Variants in WDPCP observed in about 807,000 individuals in gnomAD.
WDPCP encodes the protein WD repeat-containing and planar cell polarity effector protein fritz homolog.
In WDPCP, 71 loss-of-function variants were observed where a neutral mutation model predicts 93.1. The ratio of observed to expected loss-of-function variants is 0.76; its 90% CI spans 0.63 to 0.93. WDPCP has a LOEUF of 0.93. Ranked by LOEUF, WDPCP falls within the 40% of genes least tolerant of loss-of-function variation. The pLI, the probability that WDPCP is intolerant of heterozygous loss-of-function variation, is 0.00. For synonymous variants in WDPCP, 315 were observed against 315.0 expected, an observed-to-expected ratio of 1.00 and a Z score of 0.00; for missense variants, 844 against 887.4, an observed-to-expected ratio of 0.95 and a Z score of 0.62.
intron 6 of WDPCP, among the ~76,000 whole-genome samples, chr2:63,454,756 C>T (rs948654593): frequency 6.6e-6 from 1 of 152,022 alleles, no homozygotes; most frequent in African/African-American, 2.4e-5. Context: ...CTCCACAGCA[C>T]ATTATAAGCA....
At chr2:63,131,260 C>G (rs1670276490) in intron 17 of WDPCP, among the ~76,000 whole-genome samples, 1 of 151,918 alleles carries the variant, frequency 6.6e-6, no homozygotes, top group African/African-American at 2.4e-5. Flanking sequence ...TTTTTGGTTC[C>G]TCATTTCTTT....
intron 12 of WDPCP, among the ~76,000 whole-genome samples, chr2:63,338,652 A>G (rs373633571): frequency 3.5e-5 from 5 of 141,262 alleles, no homozygotes; most frequent in African/African-American, 1.3e-4. Context: ...TCCCCATTAT[A>G]TGTACTTGGT....
chr2:63,478,547 C>T (rs1287539568), intron 6 of WDPCP, among the ~76,000 whole-genome samples: 1 of 152,058 alleles, frequency 6.6e-6, no homozygotes, highest in African/African-American at 2.4e-5. Context: ...CATGCAAATA[C>T]ATGGAAATTA....
Position 63,484,921 on chromosome 2 carries a change from A to T in WDPCP, c.320T>A (p.Leu107Ter). The part of the protein sequence containing the change: ...PEKLRDSLKE[L>*]EELMQNSRCV... ...TTGAAACTTTTTGAAAGATACCTCC[A>T]ACTCTTTGAGCGAGTCTCGGAGTTT... The change falls in exon 5 of 18, where the codon TTG becomes TAG. Residue 107 changes from leucine (L) to a stop codon, truncating the protein, a stop_gained. Transcript: ENST00000272321. LOFTEE classifies it high-confidence loss of function. The T allele has an allele frequency of 6.2e-7, 1 of 1,612,450 alleles. No homozygotes were observed. The highest frequency in any genetic ancestry group is 8.5e-7 in the Non-Finnish European group (1 of 1,179,012).
intron 3 of WDPCP, chr2:63,622,952 T>A: frequency 1.2e-6 from 1 of 834,182 alleles, no homozygotes; most frequent in Non-Finnish European, 1.9e-6. Context: ...CGTAGCTCAG[T>A]CACCACCGCA....
intron 2 of WDPCP, among the ~76,000 whole-genome samples, chr2:63,694,231 G>A (rs893868757): frequency 6.6e-6 from 1 of 152,134 alleles, no homozygotes; most frequent in African/African-American, 2.4e-5. Flanking sequence ...TCAATGATTG[G>A]TGAAGTGATT....
chr2:63,622,887 G>A (rs1709762470), intron 3 of WDPCP: 3 of 1,461,158 alleles, frequency 2.1e-6, no homozygotes, highest in African/African-American at 2.8e-5. Flanking sequence ...CGGAGCCTGG[G>A]AGGCACGCGG....
chr2:63,331,302 C>A (rs1028678323), intron 12 of WDPCP, among the ~76,000 whole-genome samples: 32 of 152,104 alleles, frequency 2.1e-4, no homozygotes, highest in African/African-American at 7.7e-4. Flanking sequence ...GGTATGAAAT[C>A]TGATGTTAAC....
At chr2:63,415,655 A>G (rs1279715114) in intron 9 of WDPCP, among the ~76,000 whole-genome samples, 1 of 152,224 alleles carries the variant, frequency 6.6e-6, no homozygotes, top group East Asian at 1.9e-4. Context: ...GACATGCTGC[A>G]TGTTGTCAAG....
chr2:63,629,778 G>A (rs766817252), intron 3 of WDPCP, among the ~76,000 whole-genome samples: 10 of 152,224 alleles, frequency 6.6e-5, no homozygotes, highest in African/African-American at 9.6e-5. Context: ...GCAATAAAGC[G>A]GTGGTGCCCC....
At chr2:63,191,976 T>C (rs1675084732) in intron 14 of WDPCP, among the ~76,000 whole-genome samples, 2 of 152,200 alleles carry the variant, frequency 1.3e-5, no homozygotes. Flanking sequence ...GCCATATGAC[T>C]TGAGAAGCCT....
At chr2:63,547,015 T>C (rs1353239464) in intron 1 of WDPCP, among the ~76,000 whole-genome samples, 3 of 151,872 alleles carry the variant, frequency 2.0e-5, no homozygotes, top group Non-Finnish European at 4.4e-5. Flanking sequence ...TAATTCCAGA[T>C]TAGAGAGCTG....
At chr2:63,219,159 A>T (rs1677605054) in intron 14 of WDPCP, among the ~76,000 whole-genome samples, 2 of 152,354 alleles carry the variant, frequency 1.3e-5, no homozygotes, top group South Asian at 2.1e-4. Context: ...GAGCCAAAAC[A>T]TAGGAACATT....
intron 8 of WDPCP, 55 bp from the exon 9 acceptor site, chr2:63,433,991 C>G (rs1285433470): frequency 6.4e-7 from 1 of 1,550,512 alleles, no homozygotes; most frequent in Non-Finnish European, 8.8e-7. Flanking sequence ...ATGCAAAATC[C>G]TCAAGTATTA....
chr2:63,786,877 G>A (rs1161089544), intron 2 of WDPCP, among the ~76,000 whole-genome samples: 2 of 152,126 alleles, frequency 1.3e-5, no homozygotes, highest in African/African-American at 4.8e-5. Flanking sequence ...AACAAACACA[G>A]GGAATTTTAT....
intron 8 of WDPCP, 104 bp from the exon 9 acceptor site, chr2:63,434,040 T>C: frequency 4.4e-6 from 5 of 1,144,270 alleles, no homozygotes; most frequent in Non-Finnish European, 6.4e-6. Context: ...TACATGCAAG[T>C]AAATATGCAT....
Position 63,575,473 on chromosome 2 carries a change from TATACA to T in WDPCP, c.75+12719_75+12723del, listed in dbSNP as rs1182966294. Among the ~76,000 whole-genome samples, 13 of 127,560 alleles carry T rather than the reference TATACA, an allele frequency of 1.0e-4. 2 individuals carry two copies. The highest frequency in any genetic ancestry group is 4.7e-4 in the African/African-American group (13 of 27,378). The allele number at this position is 127,560 out of a possible 152,430, so 83.7% of individuals were successfully genotyped here. ...CTGTATATACAGTATATATGCAGTA[TATACA>T]GTGTATATATAGTATATACAGTATA... On this transcript the variant is annotated intron_variant, in intron 1 of 17. Coordinates refer to ENST00000272321, the MANE Select transcript of WDPCP (RefSeq NM_015910.7).
rs1319932969 is a variant in WDPCP, at chr2:63,238,842, T to G, written c.1915+20465A>C. Among the ~76,000 whole-genome samples the G allele has an allele frequency of 2.0e-5, 3 of 152,140 alleles. No homozygotes were observed. In the East Asian group the frequency reaches 5.8e-4, roughly 29 times the overall value. The stretch of plus-strand genomic sequence containing the variant: ...GAACTATGACCTGGCATTACTTCAG[T>G]TATGCACTATTAAATGATTAACAAC... On this transcript the variant is annotated intron_variant, in intron 14 of 17. Coordinates refer to ENST00000272321, the MANE Select transcript of WDPCP (RefSeq NM_015910.7).
intron 6 of WDPCP, among the ~76,000 whole-genome samples, chr2:63,467,277 TGA>T (rs1699399673): frequency 6.6e-6 from 1 of 150,404 alleles, no homozygotes; most frequent in South Asian, 2.1e-4. Context: ...GTCAGGAGTT[TGA>T]GAGCAGCCTG....
Sources: gnomAD v4.1 joint callset for allele counts (sites outside exome capture counted in the v4.1 genomes callset) on GRCh38, gnomAD v4.1.1 for gene constraint, MANE v1.5 for transcripts, NCBI Gene and HGNC (gene_info 2026-07-23, HGNC 2026-07-21) for gene names.